The following BMPER variants were observed in gnomAD, a reference collection of about 807,000 sequenced individuals.
The protein encoded by BMPER is BMP-binding endothelial regulator protein.
A neutral mutation model predicts 87.3 loss-of-function variants in BMPER; 45 were observed. The observed-to-expected ratio is 0.52, with a 90% confidence interval of 0.41 to 0.66. The LOEUF is 0.66. BMPER is among the 30% of genes least tolerant of loss of function. BMPER has a pLI of 0.00. For missense variants in BMPER, 784 were observed against 867.5 expected, an observed-to-expected ratio of 0.90 and a Z score of 1.21; for synonymous variants, 326 against 316.2, an observed-to-expected ratio of 1.03 and a Z score of -0.33.
At chr7:33,948,004 G>A (rs1441248014) in intron 3 of BMPER, among the ~76,000 whole-genome samples, 1 of 152,168 alleles carries the variant, frequency 6.6e-6, no homozygotes, top group Non-Finnish European at 1.5e-5. Flanking sequence ...AATGTTTTAA[G>A]ATGGAAAGAT....
At chr7:33,988,105 A>G (rs1165920006) in intron 6 of BMPER, among the ~76,000 whole-genome samples, 1 of 152,222 alleles carries the variant, frequency 6.6e-6, no homozygotes, top group Non-Finnish European at 1.5e-5. Context: ...ACTGATATAT[A>G]TCTTAATTTT....
chr7:34,079,034 A>G lies in BMPER; in HGVS notation c.1256A>G (p.Lys419Arg). 1.2e-6 allele frequency: 2 copies of G among 1,614,190 alleles called. No homozygotes were observed. Among genetic ancestry groups the G allele is most frequent in the Non-Finnish European group, 1.7e-6 (2 of 1,180,012 alleles). ...CGGACACGCTCCTTCTCGTGGACCAAGTCGGTGGAGCTGGTGCTGGGCGAG... is the reference window on the plus strand; with the variant it reads ...CGGACACGCTCCTTCTCGTGGACCAGGTCGGTGGAGCTGGTGCTGGGCGAG... ...ARRTRSFSWT[K>R]SVELVLGESR... The change falls in exon 12 of 15, where the codon AAG (lysine) becomes AGG (arginine). Residue 419 changes from lysine (K) to arginine (R), a missense_variant. Physicochemically the swap from Lys to Arg is conservative, Grantham distance 26 (BLOSUM62 2). Coordinates refer to ENST00000649409, the MANE Select transcript of BMPER (RefSeq NM_001365308.1).
At chr7:34,119,598 A>C (rs894028068) in intron 13 of BMPER, among the ~76,000 whole-genome samples, 2 of 152,212 alleles carry the variant, frequency 1.3e-5, no homozygotes, top group Non-Finnish European at 2.9e-5. Context: ...TAATGAGATT[A>C]CTGGACCAGA....
chr7:34,067,059 T>G (rs907867562), intron 11 of BMPER, among the ~76,000 whole-genome samples: 1 of 152,190 alleles, frequency 6.6e-6, no homozygotes, highest in Admixed American at 6.5e-5. Context: ...TGAGGCTGAT[T>G]GAATATGCCG....
At chr7:34,081,957 A>G (rs972348896) in intron 12 of BMPER, among the ~76,000 whole-genome samples, 1 of 152,190 alleles carries the variant, frequency 6.6e-6, no homozygotes, top group Non-Finnish European at 1.5e-5. Flanking sequence ...CAAAACAACA[A>G]TATCCACAAA....
chr7:33,964,763 T>A (rs1785362282), intron 3 of BMPER, among the ~76,000 whole-genome samples: 1 of 152,304 alleles, frequency 6.6e-6, no homozygotes, highest in East Asian at 1.9e-4. Flanking sequence ...AAAGGCAGGA[T>A]CTTTGCTTGC....
At chr7:33,950,539 C>T (rs1052852501) in intron 3 of BMPER, among the ~76,000 whole-genome samples, 3 of 152,136 alleles carry the variant, frequency 2.0e-5, no homozygotes, top group Non-Finnish European at 4.4e-5. Context: ...TCTAAGCTCA[C>T]GTGGCTGTCG....
chr7:34,107,088 T>A (rs1789838617), intron 13 of BMPER, among the ~76,000 whole-genome samples: 1 of 152,224 alleles, frequency 6.6e-6, no homozygotes, highest in South Asian at 2.1e-4. Flanking sequence ...GGTCCTCTGT[T>A]GCTGTCCTTT....
At chr7:33,989,302 G>A (rs112941628) in intron 6 of BMPER, among the ~76,000 whole-genome samples, 1 of 149,042 alleles carries the variant, frequency 6.7e-6, no homozygotes, top group Non-Finnish European at 1.5e-5. Context: ...TTTAATGATT[G>A]CCATTCTAAC....
At chr7:34,077,188 T>C (rs1788887804) in intron 11 of BMPER, among the ~76,000 whole-genome samples, 1 of 151,994 alleles carries the variant, frequency 6.6e-6, no homozygotes, top group African/African-American at 2.4e-5. Context: ...GAGAGAATGT[T>C]GGGGGAAATG....
chr7:33,991,138 G>T (rs1406708869), intron 6 of BMPER, among the ~76,000 whole-genome samples: 1 of 147,432 alleles, frequency 6.8e-6, no homozygotes, highest in African/African-American at 2.5e-5. Context: ...CATAAAATGA[G>T]TTAGGGAGGA....
At chr7:33,908,016 G>T (rs1444312590) in intron 2 of BMPER, among the ~76,000 whole-genome samples, 2 of 152,196 alleles carry the variant, frequency 1.3e-5, no homozygotes, top group African/African-American at 2.4e-5. Context: ...AAGTAAAAAC[G>T]CACTGCGTTT....
At chr7:34,145,316 CCT>C (rs1004006136) in intron 14 of BMPER, among the ~76,000 whole-genome samples, 6 of 152,306 alleles carry the variant, frequency 3.9e-5, no homozygotes, top group African/African-American at 1.4e-4. Context: ...CTTTCACCTT[CCT>C]CTGACTCCAT....
intron 13 of BMPER, among the ~76,000 whole-genome samples, chr7:34,120,255 A>G (rs1194734254): frequency 1.3e-5 from 2 of 152,348 alleles, no homozygotes; most frequent in African/African-American, 4.8e-5. Flanking sequence ...CAATGACTAC[A>G]TGGAAAATTG....
intron 4 of BMPER, among the ~76,000 whole-genome samples, chr7:33,969,895 CAGGTGCTAGTCT>C (rs936946800): frequency 3.7e-4 from 57 of 152,230 alleles, no homozygotes; most frequent in Non-Finnish European, 7.1e-4. Context: ...TTAGGATCTC[CAGGTGCTAGTCT>C]GGGTTAAGAT....
intron 6 of BMPER, among the ~76,000 whole-genome samples, chr7:34,024,376 A>AAC (rs1787286784): frequency 2.1e-5 from 2 of 97,274 alleles, no homozygotes; most frequent in African/African-American, 1.0e-4. Context: ...AAAAAAAAAA[A>AAC]AAAAAACAAT....
intron 6 of BMPER, among the ~76,000 whole-genome samples, chr7:33,977,579 G>T (rs1333092216): frequency 6.6e-6 from 1 of 152,150 alleles, no homozygotes; most frequent in Admixed American, 6.5e-5. Context: ...ATAATGTTAG[G>T]CTGCAGCTTC....
chr7:34,134,688 A>G (rs1338798948), intron 13 of BMPER, among the ~76,000 whole-genome samples: 5 of 152,150 alleles, frequency 3.3e-5, no homozygotes, highest in Non-Finnish European at 5.9e-5. Context: ...AATGGTGCAC[A>G]TCCCTTCCCC....
chr7:34,005,210 A>G (rs968803686), intron 6 of BMPER, among the ~76,000 whole-genome samples: 1 of 152,072 alleles, frequency 6.6e-6, no homozygotes, highest in African/African-American at 2.4e-5. Context: ...CTCTGAATCC[A>G]TTCTTCTTTC....
Sources: allele counts gnomAD v4.1 joint callset (sites outside exome capture counted in the v4.1 genomes callset), GRCh38; gene constraint gnomAD v4.1.1; transcripts MANE v1.5; gene names NCBI Gene and HGNC (gene_info 2026-07-23, HGNC 2026-07-21).